The following FRAS1 variants were observed in gnomAD, a reference collection of about 807,000 sequenced individuals.
The protein encoded by FRAS1 is Fraser extracellular matrix complex subunit 1.
In FRAS1, 290 loss-of-function variants were observed where a neutral mutation model predicts 435.2. The ratio of observed to expected loss-of-function variants is 0.67; its 90% confidence interval spans 0.61 to 0.73. The LOEUF is 0.73. Ranked by LOEUF, FRAS1 falls within the 30% of genes least tolerant of loss-of-function variation. The pLI, the probability that FRAS1 is intolerant of heterozygous loss-of-function variation, is 0.00. For synonymous variants in FRAS1, 1,800 were observed against 1,851.0 expected (o/e 0.97, Z 0.71); for missense variants, 4,860 against 5,001.5 (o/e 0.97, Z 0.85).
At chr4:78,213,433 T>C (rs1393574743) in intron 2 of FRAS1, among the ~76,000 whole-genome samples, 1 of 152,258 alleles carries the variant, frequency 6.6e-6, no homozygotes, top group African/African-American at 2.4e-5. Flanking sequence ...GTAAACACAC[T>C]TGCAGCAAAA....
intron 2 of FRAS1, among the ~76,000 whole-genome samples, chr4:78,076,559 G>A (rs1740651220): frequency 6.6e-6 from 1 of 152,084 alleles, no homozygotes; most frequent in Non-Finnish European, 1.5e-5. Context: ...CTCTCATGCG[G>A]TACAACAGAA....
intron 14 of FRAS1, among the ~76,000 whole-genome samples, chr4:78,302,975 GT>G (rs1728494578): frequency 6.6e-6 from 1 of 152,056 alleles, no homozygotes; most frequent in Admixed American, 6.5e-5. Flanking sequence ...TTCTTCTAGG[GT>G]TTTTATGGTT....
chr4:78,268,759 G>T (rs936819039), intron 9 of FRAS1, among the ~76,000 whole-genome samples: 1 of 152,108 alleles, frequency 6.6e-6, no homozygotes, highest in African/African-American at 2.4e-5. Context: ...TGCTGCTGTC[G>T]GCTGTGACAC....
At chr4:78,183,936 G>A (rs1722162536) in intron 2 of FRAS1, among the ~76,000 whole-genome samples, 1 of 152,068 alleles carries the variant, frequency 6.6e-6, no homozygotes, top group Non-Finnish European at 1.5e-5. Flanking sequence ...TTTATTTAGT[G>A]CTTATTATGC....
intron 2 of FRAS1, among the ~76,000 whole-genome samples, chr4:78,086,938 C>A (rs1031848218): frequency 6.6e-6 from 1 of 152,118 alleles, no homozygotes; most frequent in East Asian, 1.9e-4. Flanking sequence ...CCAGCATCAT[C>A]CTGATACCAA....
intron 2 of FRAS1, among the ~76,000 whole-genome samples, chr4:78,221,875 G>C (rs1724065600): frequency 6.6e-6 from 1 of 152,234 alleles, no homozygotes; most frequent in African/African-American, 2.4e-5. Flanking sequence ...GACTGAAATA[G>C]TATATTTTGG....
chr4:78,140,654 TAC>T (rs749228759), intron 2 of FRAS1, among the ~76,000 whole-genome samples: 4 of 150,096 alleles, frequency 2.7e-5, no homozygotes, highest in South Asian at 2.1e-4. Flanking sequence ...TATATGTATA[TAC>T]GTATATACAT....
chr4:78,109,419 T>A (rs1742576940), intron 2 of FRAS1, among the ~76,000 whole-genome samples: 1 of 151,110 alleles, frequency 6.6e-6, no homozygotes, highest in Non-Finnish European at 1.5e-5. Context: ...GTGGGCTTCA[T>A]CCCTGGGATG....
In FRAS1 at chr4:78,448,944, C is replaced by A. The variant is rs563915236; in HGVS notation, c.6274+628C>A. 2.0e-5 allele frequency among the ~76,000 whole-genome samples: 3 copies of A among 152,182 alleles called. No individual in the cohort carries two copies. In the East Asian group the frequency reaches 5.8e-4, roughly 29 times the overall value. Reference sequence around the variant, plus strand: ...AGGGTGTCTGCATCTTACTAGAGTTCTGTTGTTTGTTTGTTCTTAGTTTCA... The same window carrying A: ...AGGGTGTCTGCATCTTACTAGAGTTATGTTGTTTGTTTGTTCTTAGTTTCA... On this transcript the variant is annotated intron_variant, in intron 44 of 73. Transcript: ENST00000512123.
intron 2 of FRAS1, among the ~76,000 whole-genome samples, chr4:78,220,616 AT>A (rs1234660524): frequency 2.0e-5 from 3 of 152,170 alleles, no homozygotes; most frequent in Non-Finnish European, 4.4e-5. Context: ...AATGGAGAAA[AT>A]TTCTCATGTT....
intron 37 of FRAS1, 98 bp downstream of exon 37, chr4:78,430,515 T>A: frequency 1.6e-6 from 2 of 1,259,128 alleles, no homozygotes; most frequent in Non-Finnish European, 2.2e-6. Flanking sequence ...AAAGCGTCTT[T>A]GTGATACAGA....
At chr4:78,061,511 A>T (rs1739759711) in intron 1 of FRAS1, among the ~76,000 whole-genome samples, 1 of 152,218 alleles carries the variant, frequency 6.6e-6, no homozygotes, top group Admixed American at 6.5e-5. Context: ...AGCCATTCCC[A>T]CAAACGCTGA....
At chr4:78,307,558 T>A (rs999670593) in intron 14 of FRAS1, among the ~76,000 whole-genome samples, 2 of 152,238 alleles carry the variant, frequency 1.3e-5, no homozygotes, top group African/African-American at 2.4e-5. Context: ...AATCTCCTGG[T>A]GCGCCGTTTT....
intron 2 of FRAS1, among the ~76,000 whole-genome samples, chr4:78,098,640 G>C (rs1462298297): frequency 6.6e-6 from 1 of 152,160 alleles, no homozygotes; most frequent in Non-Finnish European, 1.5e-5. Flanking sequence ...TTCTGCACCA[G>C]AGAAAGTTAG....
In FRAS1 at chr4:78,400,774, G is replaced by A. The variant is rs902819798; in HGVS notation, c.4016G>A (p.Trp1339Ter). The change falls in exon 30 of 74, where the codon TGG (tryptophan) becomes TAG (stop). Residue 1339 changes from tryptophan to a stop codon, truncating the protein, a stop_gained. Transcript: ENST00000512123. LOFTEE classifies it high-confidence loss of function. ...CAGCTTGTGGCTAATTCGATGGTGT[G>A]GGTTCCAGAAGGGGGGATGCTGCAG... ...GLQLVANSMV[W>*]VPEGGMLQIT... 13 of 1,613,336 alleles carry A rather than the reference G, an allele frequency of 8.1e-6. No individual in the cohort carries two copies. The highest frequency in any genetic ancestry group is 1.1e-5 in the Non-Finnish European group (13 of 1,179,682).
chr4:78,325,884 AGAAG>A (rs1222822630), intron 18 of FRAS1, among the ~76,000 whole-genome samples: 1 of 152,238 alleles, frequency 6.6e-6, no homozygotes, highest in African/African-American at 2.4e-5. Flanking sequence ...CACCAGGTGA[AGAAG>A]GTGAGAAAGG....
intron 2 of FRAS1, among the ~76,000 whole-genome samples, chr4:78,119,064 T>A (rs962539802): frequency 2.0e-5 from 3 of 152,292 alleles, no homozygotes; most frequent in South Asian, 4.1e-4. Context: ...CATGTTCTTT[T>A]AAAAAAATAA....
intron 2 of FRAS1, chr4:78,182,095 C>T (rs999212009): frequency 1.4e-5 from 20 of 1,427,578 alleles, no homozygotes; most frequent in African/African-American, 5.8e-5. Flanking sequence ...CGGGCCGCGC[C>T]GAGCCAAGAG....
At chr4:78,506,546 AC>A (rs1560417240) in intron 61 of FRAS1, among the ~76,000 whole-genome samples, 1 of 152,116 alleles carries the variant, frequency 6.6e-6, no homozygotes, top group African/African-American at 2.4e-5. Context: ...TGGGTATGGA[AC>A]CCCCCGAGTC....
Sources: gnomAD v4.1 joint callset for allele counts (sites outside exome capture counted in the v4.1 genomes callset) on GRCh38, gnomAD v4.1.1 for gene constraint, MANE v1.5 for transcripts, NCBI Gene and HGNC (gene_info 2026-07-23, HGNC 2026-07-21) for gene names.